The following DHX37 variants were observed in gnomAD, a reference collection of about 807,000 sequenced individuals.
DHX37 encodes the protein DEAH-box helicase 37.
Under a neutral mutation model 134.3 loss-of-function variants are expected in DHX37, and 52 were observed. The ratio of observed to expected loss-of-function variants is 0.39; its 90% CI spans 0.31 to 0.49. The LOEUF (loss-of-function observed/expected upper bound fraction) is 0.49, where lower values mean the gene tolerates loss of function less well. Ranked by LOEUF, DHX37 falls within the 20% of genes least tolerant of loss-of-function variation. The pLI is 0.93. For synonymous variants in DHX37, 634 were observed against 670.7 expected, an observed-to-expected ratio of 0.95 and a Z score of 0.85; for missense variants, 1,344 against 1,580.8, an observed-to-expected ratio of 0.85 and a Z score of 2.54.
At chr12:124,963,240 G>T (rs1003655261) in intron 15 of DHX37, among the ~76,000 whole-genome samples, 2 of 152,230 alleles carry the variant, frequency 1.3e-5, no homozygotes, top group Non-Finnish European at 2.9e-5. Flanking sequence ...AGCGGCAGAG[G>T]CCAGACACGA....
At chr12:124,948,578 C>G (rs1953916025) in intron 25 of DHX37, 1 of 224,744 alleles carries the variant, frequency 4.4e-6, no homozygotes, top group South Asian at 7.6e-5. Context: ...GAAACCCTAG[C>G]TCTACTAAAA....
chr12:124,953,409 C>T (rs766748773), intron 20 of DHX37: 2 of 164,836 alleles, frequency 1.2e-5, no homozygotes, highest in African/African-American at 4.8e-5. Context: ...CCACGCTGCC[C>T]TCTCTACGCA....
In DHX37 at chr12:124,980,421, C is replaced by A; in HGVS notation, c.738+69G>T. 6.5e-7 allele frequency: 1 copy of A among 1,531,462 alleles called. No individual in the cohort carries two copies. The highest frequency in any genetic ancestry group is 2.3e-5 in the East Asian group (1 of 43,334). The allele number at this position is 1,531,462 out of a possible 1,614,324, so 94.9% of individuals were successfully genotyped here. A position where few individuals can be genotyped will look rare whatever the true frequency, so the allele number is the denominator to read the frequency against. ...GAAGGGATGCCCTTGCCCCACTTCA[C>A]CAGGACGCCCTCTGTGCGCCCCTTG... On this transcript the variant is annotated intron_variant, in intron 4 of 26. Transcript: ENST00000308736. The surrounding 1 kb of genome is among the most constrained non-coding windows in gnomAD (Gnocchi z 5.3).
At chr12:124,950,586 C>T in intron 22 of DHX37, 36 bp from the exon 23 acceptor site, 1 of 1,548,024 alleles carries the variant, frequency 6.5e-7, no homozygotes, top group Non-Finnish European at 8.7e-7. Context: ...GTTACAGCGG[C>T]ACCCTCCGTG....
chr12:124,961,321 T>C (rs1168568128), intron 15 of DHX37, among the ~76,000 whole-genome samples: 1 of 136,510 alleles, frequency 7.3e-6, no homozygotes, highest in Non-Finnish European at 1.5e-5. Flanking sequence ...CACACTTACA[T>C]ACACACGTGC....
chr12:124,986,904 C>A (rs1019540120), intron 1 of DHX37, among the ~76,000 whole-genome samples: 7 of 150,222 alleles, frequency 4.7e-5, no homozygotes, highest in Admixed American at 6.6e-5. Context: ...TACCACCACG[C>A]CCCAGCTAAT....
Position 124,947,695 on chromosome 12 carries a change from G to T in DHX37, c.*107C>A. The T allele has an allele frequency of 7.2e-7, 1 of 1,390,850 alleles. No homozygotes were observed. Among genetic ancestry groups the T allele is most frequent in the South Asian group, 1.5e-5 (1 of 65,316 alleles). 86.2% of individuals were successfully genotyped at this position (1,390,850 alleles called of 1,614,324 possible). On this transcript the variant is annotated 3_prime_UTR_variant, in exon 27 of 27. Transcript: ENST00000308736. ...TCCCAGGGCTTGACCCACTTCCTGAGAGCAGGCCACGAAGCCCATGCCAGG... is the reference window on the plus strand; with the variant it reads ...TCCCAGGGCTTGACCCACTTCCTGATAGCAGGCCACGAAGCCCATGCCAGG...
chr12:124,983,444 C>G (rs183675834), intron 2 of DHX37, among the ~76,000 whole-genome samples: 7 of 146,768 alleles, frequency 4.8e-5, no homozygotes, highest in African/African-American at 1.8e-4. Context: ...CACACACACA[C>G]AGAACAAGGT....
At chr12:124,961,154 A>G (rs1256896655) in intron 15 of DHX37, among the ~76,000 whole-genome samples, 2 of 151,166 alleles carry the variant, frequency 1.3e-5, no homozygotes, top group African/African-American at 2.5e-5. Context: ...GCACGCACGC[A>G]CACACACTTA....
intron 5 of DHX37, among the ~76,000 whole-genome samples, chr12:124,977,118 G>A (rs372183858): frequency 1.3e-5 from 2 of 151,790 alleles, no homozygotes; most frequent in African/African-American, 2.4e-5. Context: ...AGTGTGCTAC[G>A]CAAGTTCACT....
At chr12:124,958,631 TTC>T (rs1228370495) in intron 16 of DHX37, among the ~76,000 whole-genome samples, 216 of 149,234 alleles carry the variant, frequency 1.4e-3, no homozygotes, top group African/African-American at 5.0e-3. Flanking sequence ...ATTCTTTTTT[TTC>T]TTTTTTTTTG....
chr12:124,954,303 C>T (rs886858409), intron 18 of DHX37, 92 bp from the exon 19 acceptor site: 2 of 1,495,132 alleles, frequency 1.3e-6, no homozygotes, highest in African/African-American at 2.8e-5. Flanking sequence ...GGGACAGGCT[C>T]AGAGGCCTTG....
chr12:124,966,659 T>G (rs1347306602), intron 12 of DHX37, 134 bp downstream of exon 12: 2 of 943,866 alleles, frequency 2.1e-6, no homozygotes, highest in Non-Finnish European at 3.2e-6. Context: ...CCACTGTGCC[T>G]GACCAGGAAC....
In DHX37 at chr12:124,964,945, TG is replaced by T; in HGVS notation, c.1796del (p.Pro599GlnfsTer110). On this transcript the variant is annotated frameshift_variant, in exon 14 of 27. Transcript: ENST00000308736. LOFTEE classifies it high-confidence loss of function. ...HVLPLYSLLAPEKQAQVFKPP... is the reference protein window; with the variant it reads ...HVLPLYSLLAXEKQAQVFKPP... ...GCACGGTTACCTGTGCTTGCTTCTC[TG>T]GGGCCAGCAGAGAGTACAGCGGGAG... is the stretch of plus-strand genomic sequence containing the variant. 1 of 1,595,474 alleles carries T rather than the reference TG, an allele frequency of 6.3e-7. No homozygotes were observed. Among genetic ancestry groups the T allele is most frequent in the Non-Finnish European group, 8.5e-7 (1 of 1,172,746 alleles).
chr12:124,982,759 G>A (rs1402364761), intron 2 of DHX37, 136 bp from the exon 3 acceptor site: 70 of 1,209,798 alleles, frequency 5.8e-5, no homozygotes, highest in Non-Finnish European at 7.8e-5. Flanking sequence ...CAATTCTACT[G>A]GTGCATGGTG....
At position 124,977,443 on chromosome 12, in the gene DHX37, C is replaced by T. The variant is rs987172120; in HGVS notation, c.786G>A (p.Met262Ile). 5.0e-6 allele frequency: 8 copies of T among 1,611,906 alleles called. No individual in the cohort carries two copies. The highest frequency in any genetic ancestry group is 6.8e-6 in the Non-Finnish European group (8 of 1,179,266). The stretch of plus-strand genomic sequence containing the variant: ...CGATGGGGTGCTCGGCCACAGCCTC[C>T]ATGATTACTTGTTCTTCGGAGAGAA... The part of the protein sequence containing the change: ...LPILSEEQVI[M>I]EAVAEHPIVI... The change falls in exon 5 of 27, where the codon ATG becomes ATA. Residue 262 changes from methionine to isoleucine, a missense_variant. By Grantham distance (10) the Met-to-Ile change is conservative (BLOSUM62 1). Transcript: ENST00000308736.
chr12:124,964,747 C>A, intron 14 of DHX37, 121 bp from the exon 15 acceptor site: 1 of 1,501,238 alleles, frequency 6.7e-7, no homozygotes, highest in Non-Finnish European at 8.9e-7. Context: ...GACAAGCCAT[C>A]CCATCTGGGG....
chr12:124,968,176 G>C (rs929083766), intron 10 of DHX37, among the ~76,000 whole-genome samples: 2 of 152,120 alleles, frequency 1.3e-5, no homozygotes, highest in Non-Finnish European at 2.9e-5. Flanking sequence ...GAGCAGGTAT[G>C]ATGGGGACAA....
At chr12:124,976,920 G>A (rs1023427571) in intron 5 of DHX37, among the ~76,000 whole-genome samples, 9 of 151,558 alleles carry the variant, frequency 5.9e-5, no homozygotes, top group East Asian at 1.9e-4. Context: ...GGTGGCGGGC[G>A]CCTGTAATCC....
Sources: allele counts gnomAD v4.1 joint callset (sites outside exome capture counted in the v4.1 genomes callset), GRCh38; gene constraint gnomAD v4.1.1; non-coding constraint Gnocchi (gnomAD v3.1); transcripts MANE v1.5; gene names NCBI Gene and HGNC (gene_info 2026-07-23, HGNC 2026-07-21).